ZNF513: variants seen among roughly 807,000 people sequenced by gnomAD.
ZNF513 encodes the protein zinc finger protein 513.
In ZNF513, 16 loss-of-function variants were observed where a neutral mutation model predicts 39.7. The ratio of observed to expected loss-of-function variants is 0.40; its 90% CI spans 0.27 to 0.61. ZNF513 has a LOEUF of 0.61. Among genes scored for constraint, ZNF513 ranks in the 20% least tolerant of loss-of-function variants. ZNF513 has a pLI of 0.39. For missense variants in ZNF513, 699 were observed against 743.6 expected, an observed-to-expected ratio of 0.94 and a Z score of 0.70; for synonymous variants, 348 against 296.5, an observed-to-expected ratio of 1.17 and a Z score of -1.79.
rs780786889 is a variant in ZNF513, at chr2:27,377,661, G to A, written c.1510C>T (p.Leu504Phe). The change falls in exon 4 of 4, where the codon CTC becomes TTC. Residue 504 changes from leucine to phenylalanine, a missense_variant. Coordinates refer to ENST00000323703, the MANE Select transcript of ZNF513 (RefSeq NM_144631.6). This position sits in a 1 kb window ranked among gnomAD's most constrained non-coding sequence, Gnocchi z 4.4. Reference protein sequence around the residue: ...HGHGGAGGPGLSASEGWAPPH... With the variant: ...HGHGGAGGPGFSASEGWAPPH... ...GGGGCCCAGCCCTCAGAGGCAGAGA[G>A]ACCAGGCCCTCCTGCCCCACCGTGG... The A allele has an allele frequency of 2.5e-6, 4 of 1,614,184 alleles. No homozygotes were observed. The highest frequency in any genetic ancestry group is 3.4e-6 in the Non-Finnish European group (4 of 1,180,040).
At position 27,378,159 on chromosome 2, in the gene ZNF513, G is replaced by A. The variant is rs779925116; in HGVS notation, c.1012C>T (p.Arg338Cys). The A allele has an allele frequency of 8.7e-6, 14 of 1,613,218 alleles. No homozygotes were observed. Among genetic ancestry groups the A allele is most frequent in the South Asian group, 2.2e-5 (2 of 91,080 alleles). ...CCTCCAGCCTCTCCTCGCATGCAGC[G>A]CCCACACATGGCAGCTCCCAGCCGA... ...GSRLGAAMCG[R>C]CMRGEAGGGA... The change falls in exon 4 of 4, where the codon CGC becomes TGC. Residue 338 changes from arginine (R) to cysteine (C), a missense_variant. By Grantham distance (180) the Arg-to-Cys change is radical. Around this residue, in one of 3 missense-constraint regions of ZNF513, gnomAD observed 530 missense variants for 499.3 expected, o/e 1.06. Transcript: ENST00000323703. The surrounding 1 kb of genome is among the most constrained non-coding windows in gnomAD (Gnocchi z 8.0).
rs150876184 is a variant in ZNF513, at chr2:27,379,506, A to G, written c.212-452T>C. Reference sequence around the variant, plus strand: ...CAAAATTTGGAGGGAAGTGGAGACAATGAAAGTAATGCATGTAATACCACT... The same window carrying G: ...CAAAATTTGGAGGGAAGTGGAGACAGTGAAAGTAATGCATGTAATACCACT... On this transcript the variant is annotated intron_variant, in intron 2 of 3. Transcript: ENST00000323703. 3.0e-4 allele frequency among the ~76,000 whole-genome samples: 46 copies of G among 152,310 alleles called. No homozygotes were observed. In the East Asian group the frequency reaches 8.5e-3, roughly 28 times the overall value.
Position 27,380,505 on chromosome 2 carries a change from G to T in ZNF513, c.22C>A (p.His8Asn), listed in dbSNP as rs1319947173. The T allele has an allele frequency of 9.5e-6, 15 of 1,583,840 alleles. No homozygotes were observed. Among genetic ancestry groups the T allele is most frequent in the Non-Finnish European group, 1.2e-5 (14 of 1,155,950 alleles). Residue 8 changes from histidine to asparagine, a missense_variant, in exon 1 of 4, where the codon CAC becomes AAC. Around this residue, in one of 3 missense-constraint regions of ZNF513, gnomAD observed 530 missense variants for 499.3 expected, o/e 1.06. Coordinates refer to ENST00000323703, the MANE Select transcript of ZNF513 (RefSeq NM_144631.6). MPRRKQS[H>N]PQPVKCEGVK... The stretch of plus-strand genomic sequence containing the variant: ...CCCTCGCATTTCACGGGCTGCGGGT[G>T]GCTTTGCTTCCTTCGGGGCATCGTG...
In ZNF513 at chr2:27,378,187, A is replaced by T. The variant is rs369469017; in HGVS notation, c.984T>A (p.Gly328=). 1.8e-4 allele frequency: 286 copies of T among 1,610,632 alleles called. 1 individual carries two copies. Among genetic ancestry groups the T allele is most frequent in the Non-Finnish European group, 2.2e-4 (260 of 1,179,912 alleles). ...CACACATGGCAGCTCCCAGCCGACTACCCTCACCCTCCTCCAGCTCTTGTC... is the reference window on the plus strand; with the variant it reads ...CACACATGGCAGCTCCCAGCCGACTTCCCTCACCCTCCTCCAGCTCTTGTC... ...GCGQELEEGE[G]SRLGAAMCGR... The change falls in exon 4 of 4, where the codon GGT becomes GGA. Residue 328 remains glycine (G), a synonymous_variant. Transcript: ENST00000323703. The surrounding 1 kb of genome is among the most constrained non-coding windows in gnomAD (Gnocchi z 8.0).
Position 27,378,509 on chromosome 2 carries a change from T to A in ZNF513, c.757A>T (p.Ser253Cys), listed in dbSNP as rs1409518637. The A allele has an allele frequency of 1.3e-5, 21 of 1,614,138 alleles. No individual in the cohort carries two copies. The highest frequency in any genetic ancestry group is 1.8e-5 in the Non-Finnish European group (21 of 1,180,020). The stretch of plus-strand genomic sequence containing the variant: ...ACCGCCCCCTCCTGCTCTGTGGGAC[T>A]GGGAGGCCGGGCTGGTCGTGGAGTA... ...CCTPRPARPP[S>C]PTEQEGAVPR... The change falls in exon 3 of 4, where the codon AGT (serine) becomes TGT (cysteine). Residue 253 changes from serine to cysteine, a missense_variant. Physicochemically the swap from Ser to Cys is moderately radical, Grantham distance 112. Coordinates refer to ENST00000323703, the MANE Select transcript of ZNF513 (RefSeq NM_144631.6). This position sits in a 1 kb window ranked among gnomAD's most constrained non-coding sequence, Gnocchi z 8.0.
Position 27,380,628 on chromosome 2 carries a change from C to T in ZNF513, c.-102G>A. 6.8e-7 allele frequency: 1 copy of T among 1,478,176 alleles called. No homozygotes were observed. The highest frequency in any genetic ancestry group is 9.0e-7 in the Non-Finnish European group (1 of 1,114,280). 91.6% of individuals were successfully genotyped at this position (1,478,176 alleles called of 1,614,324 possible). Reference sequence around the variant, plus strand: ...TGCCCTTCCTCTCAGGGCCCGCGGGCCGCCCCCATGCAGCGGCGCGGGCCC... The same window carrying T: ...TGCCCTTCCTCTCAGGGCCCGCGGGTCGCCCCCATGCAGCGGCGCGGGCCC... On this transcript the variant is annotated 5_prime_UTR_variant, in exon 1 of 4. Transcript: ENST00000323703.
At chr2:27,379,172 CT>C in intron 2 of ZNF513, 118 bp from the exon 3 acceptor site, 1 of 932,386 alleles carries the variant, frequency 1.1e-6, no homozygotes, top group Non-Finnish European at 1.7e-6. Context: ...TTGATGATCC[CT>C]TTAGTTCCCT....
intron 1 of ZNF513, 101 bp downstream of exon 1, chr2:27,380,371 T>G: frequency 2.5e-6 from 4 of 1,590,600 alleles, no homozygotes; most frequent in Non-Finnish European, 3.4e-6. Flanking sequence ...GGAGTCTGGA[T>G]CGCCCACTTC....
At chr2:27,379,500 G>T (rs1176932188) in intron 2 of ZNF513, among the ~76,000 whole-genome samples, 2 of 152,160 alleles carry the variant, frequency 1.3e-5, no homozygotes, top group East Asian at 3.8e-4. Flanking sequence ...GAGGGAAGTG[G>T]AGACAATGAA....
In ZNF513 at chr2:27,380,700, C is replaced by G. The variant is rs1402181285; in HGVS notation, c.-174G>C. ...CCCGGCGCCCAGCTCAGGCCGCTCC[C>G]GCCGCCGCCGCCGCTTCCATTCATG... is the stretch of plus-strand genomic sequence containing the variant. On this transcript the variant is annotated 5_prime_UTR_variant, in exon 1 of 4. Transcript: ENST00000323703. 9.7e-7 allele frequency: 1 copy of G among 1,025,982 alleles called. No homozygotes were observed. The highest frequency in any genetic ancestry group is 1.2e-6 in the Non-Finnish European group (1 of 804,708). The allele number at this position is 1,025,982 out of a possible 1,614,324, so 63.6% of individuals were successfully genotyped here.
In ZNF513 at chr2:27,378,150, G is replaced by A; in HGVS notation, c.1021C>T (p.Arg341Ter). ...CTGGCACCCCCTCCAGCCTCTCCTC[G>A]CATGCAGCGCCCACACATGGCAGCT... ...LGAAMCGRCM[R>*]GEAGGGASGG... The change falls in exon 4 of 4, where the codon CGA (arginine) becomes TGA (stop). Residue 341 changes from arginine (R) to a stop codon, truncating the protein, a stop_gained. Coordinates refer to ENST00000323703, the MANE Select transcript of ZNF513 (RefSeq NM_144631.6). LOFTEE classifies it high-confidence loss of function. The surrounding 1 kb of genome is among the most constrained non-coding windows in gnomAD (Gnocchi z 8.0). The A allele has an allele frequency of 6.2e-7, 1 of 1,613,516 alleles. No homozygotes were observed. Among genetic ancestry groups the A allele is most frequent in the Non-Finnish European group, 8.5e-7 (1 of 1,179,932 alleles).
intron 2 of ZNF513, 81 bp from the exon 3 acceptor site, chr2:27,379,135 C>A: frequency 7.1e-7 from 1 of 1,401,136 alleles, no homozygotes; most frequent in South Asian, 1.2e-5. Context: ...TTATGGTCTC[C>A]CCACTTGCTT....
In ZNF513 at chr2:27,380,596, G is replaced by C. The variant is rs997709418; in HGVS notation, c.-70C>G. On this transcript the variant is annotated 5_prime_UTR_variant, in exon 1 of 4. Coordinates refer to ENST00000323703, the MANE Select transcript of ZNF513 (RefSeq NM_144631.6). ...GACCCCGCCCCTCCTATCTCGGCCC[G>C]CCTGTCTGCCCTTCCTCTCAGGGCC... 1 of 1,537,652 alleles carries C rather than the reference G, an allele frequency of 6.5e-7. No homozygotes were observed. Among genetic ancestry groups the C allele is most frequent in the Non-Finnish European group, 8.8e-7 (1 of 1,139,128 alleles).
chr2:27,377,416 C>A lies in ZNF513; in HGVS notation c.*129G>T. On this transcript the variant is annotated 3_prime_UTR_variant, in exon 4 of 4. Transcript: ENST00000323703. The surrounding 1 kb of genome is among the most constrained non-coding windows in gnomAD (Gnocchi z 4.4). Reference sequence around the variant, plus strand: ...GCAAGGTCCCCTGGTCCATATGGGCCCCCCCGCCCATGGGGTTGGGCTGGT... The same window carrying A: ...GCAAGGTCCCCTGGTCCATATGGGCACCCCCGCCCATGGGGTTGGGCTGGT... 4 of 1,026,960 alleles carry A rather than the reference C, an allele frequency of 3.9e-6. No individual in the cohort carries two copies. The highest frequency in any genetic ancestry group is 1.3e-5 in the South Asian group (1 of 74,160). The allele number at this position is 1,026,960 out of a possible 1,614,324, so 63.6% of individuals were successfully genotyped here.
Position 27,377,651 on chromosome 2 carries a change from G to C in ZNF513, c.1520C>G (p.Ser507Cys), listed in dbSNP as rs1355392303. Residue 507 changes from serine to cysteine, a missense_variant, in exon 4 of 4, where the codon TCT (serine) becomes TGT (cysteine). Transcript: ENST00000323703. This position sits in a 1 kb window ranked among gnomAD's most constrained non-coding sequence, Gnocchi z 4.4. The part of the protein sequence containing the change: ...GGAGGPGLSA[S>C]EGWAPPHSPP... ...GCTATGAGGTGGGGCCCAGCCCTCA[G>C]AGGCAGAGAGACCAGGCCCTCCTGC... 6 of 1,614,148 alleles carry C rather than the reference G, an allele frequency of 3.7e-6. No homozygotes were observed. The East Asian group carries it at 1.3e-4, about 36-fold the overall frequency.
chr2:27,380,284 G>A, intron 1 of ZNF513, 36 bp from the exon 2 acceptor site: 2 of 1,613,352 alleles, frequency 1.2e-6, no homozygotes, highest in Non-Finnish European at 1.7e-6. Flanking sequence ...TTCTCCCTCA[G>A]GAACCAGCCC....
intron 2 of ZNF513, 121 bp from the exon 3 acceptor site, chr2:27,379,175 T>C (rs367624563): frequency 5.4e-6 from 5 of 930,394 alleles, no homozygotes; most frequent in Non-Finnish European, 1.7e-6. Context: ...ATGATCCCTT[T>C]AGTTCCCTCC....
In ZNF513 at chr2:27,377,647, C is replaced by G. The variant is rs779957102; in HGVS notation, c.1524G>C (p.Glu508Asp). 4 of 1,614,136 alleles carry G rather than the reference C, an allele frequency of 2.5e-6. No individual in the cohort carries two copies. Among genetic ancestry groups the G allele is most frequent in the Non-Finnish European group, 3.4e-6 (4 of 1,180,038 alleles). The change falls in exon 4 of 4, where the codon GAG becomes GAC. Residue 508 changes from glutamate to aspartate, a missense_variant. Transcript: ENST00000323703. The surrounding 1 kb of genome is among the most constrained non-coding windows in gnomAD (Gnocchi z 4.4). ...GAGGPGLSASEGWAPPHSPPS... is the reference protein window; with the variant it reads ...GAGGPGLSASDGWAPPHSPPS... ...GTGGGCTATGAGGTGGGGCCCAGCC[C>G]TCAGAGGCAGAGAGACCAGGCCCTC...
intron 2 of ZNF513, among the ~76,000 whole-genome samples, chr2:27,379,724 G>A (rs1356419591): frequency 2.0e-5 from 3 of 152,206 alleles, no homozygotes; most frequent in Non-Finnish European, 4.4e-5. Flanking sequence ...AGGTGAAAGG[G>A]AGTTAGATTA....
Sources: gnomAD v4.1 joint callset for allele counts (sites outside exome capture counted in the v4.1 genomes callset) on GRCh38, gnomAD v4.1.1 for gene constraint, gnomAD v4.1.1 regional missense constraint, Gnocchi (gnomAD v3.1) non-coding constraint, MANE v1.5 for transcripts, NCBI Gene and HGNC (gene_info 2026-07-23, HGNC 2026-07-21) for gene names.